Variants in R3HDML observed in about 807,000 individuals in gnomAD.
R3HDML encodes peptidase inhibitor R3HDML.
Under a neutral mutation model 24.2 loss-of-function variants are expected in R3HDML, and 21 were observed. The ratio of observed to expected loss-of-function variants is 0.87; its 90% confidence interval spans 0.62 to 1.25. The LOEUF (loss-of-function observed/expected upper bound fraction) is 1.25. Ranked by LOEUF, R3HDML falls within the 50% of genes most tolerant of loss-of-function variation. The pLI, the probability that R3HDML is intolerant of heterozygous loss-of-function variation, is 0.00. For synonymous variants in R3HDML, 133 were observed against 131.5 expected (o/e 1.01, Z -0.08); for missense variants, 301 against 340.3 (o/e 0.88, Z 0.91).
intron 4 of R3HDML, among the ~76,000 whole-genome samples, chr20:44,346,851 A>T (rs906122441): frequency 6.6e-6 from 1 of 152,182 alleles, no homozygotes; most frequent in African/African-American, 2.4e-5. Context: ...TCATAGAAAA[A>T]CAAGAACAGG....
Position 44,350,720 on chromosome 20 carries a change from C to G in R3HDML, c.690C>G (p.Pro230=), listed in dbSNP as rs759851756. The part of the protein sequence containing the change: ...KMGKPCSSCP[P]SYQGSCNSNM... The stretch of plus-strand genomic sequence containing the variant: ...GAAAGCCGTGCTCCTCCTGTCCCCC[C>G]AGTTATCAAGGCAGCTGCAATAGCA... Residue 230 remains proline (P), a synonymous_variant, in exon 5 of 5, where the codon CCC becomes CCG. Coordinates refer to ENST00000217043, the MANE Select transcript of R3HDML (RefSeq NM_178491.4). 3.7e-6 allele frequency: 6 copies of G among 1,614,048 alleles called. No homozygotes were observed. Among genetic ancestry groups the G allele is most frequent in the East Asian group, 2.2e-5 (1 of 44,866 alleles).
rs79778316 is a variant in R3HDML at position 44,343,339 on chromosome 20, C to T, written c.381-38C>T. 5,703 of 1,604,162 alleles carry T rather than the reference C, an allele frequency of 3.6e-3. 178 individuals are homozygous for T. In the African/African-American group the frequency reaches 0.068, roughly 19 times the overall value. On this transcript the variant is annotated intron_variant, in intron 2 of 4. Transcript: ENST00000217043. ...TTGGCGGCCGAGCCACTTTTCCATC[C>T]TCTCACCCAGCTTCTTCCGTGTCCC...
chr20:44,341,965 C>T (rs757500809), intron 2 of R3HDML, among the ~76,000 whole-genome samples: 1 of 152,162 alleles, frequency 6.6e-6, no homozygotes, highest in Non-Finnish European at 1.5e-5. Context: ...GGCAAACCCA[C>T]CCTTCTGGCC....
In R3HDML at chr20:44,350,866, G is replaced by A. The variant is rs1332242553; in HGVS notation, c.*74G>A. On this transcript the variant is annotated 3_prime_UTR_variant, in exon 5 of 5. Coordinates refer to ENST00000217043, the MANE Select transcript of R3HDML (RefSeq NM_178491.4). ...TCCTGCCCTCAAAAAACTGGGTGGA[G>A]AAATAATTGTTTCTTTAAAGGATAT... 2.6e-6 allele frequency: 4 copies of A among 1,539,858 alleles called. No homozygotes were observed. The highest frequency in any genetic ancestry group is 3.5e-6 in the Non-Finnish European group (4 of 1,129,056).
intron 2 of R3HDML, 49 bp downstream of exon 2, chr20:44,341,363 A>G: frequency 1.4e-6 from 2 of 1,400,738 alleles, no homozygotes; most frequent in Non-Finnish European, 2.0e-6. Flanking sequence ...ACAAATACTC[A>G]TTGAACACTT....
chr20:44,345,136 C>G (rs1385803306), intron 3 of R3HDML, 127 bp from the exon 4 acceptor site: 1 of 752,880 alleles, frequency 1.3e-6, no homozygotes, highest in African/African-American at 1.7e-5. Context: ...GTTTCCTCCC[C>G]CAACACCTTG....
intron 1 of R3HDML, among the ~76,000 whole-genome samples, chr20:44,339,750 T>C (rs1402993748): frequency 1.3e-5 from 2 of 151,702 alleles, no homozygotes; most frequent in Non-Finnish European, 2.9e-5. Context: ...AGGAGAGAGA[T>C]GAGACTTTCT....
intron 4 of R3HDML, among the ~76,000 whole-genome samples, chr20:44,348,122 A>G (rs568969429): frequency 1.3e-5 from 2 of 152,056 alleles, no homozygotes; most frequent in Non-Finnish European, 2.9e-5. Context: ...TGTTATCAGT[A>G]TAGTTGTTAA....
chr20:44,338,640 A>G (rs745794920), intron 1 of R3HDML, among the ~76,000 whole-genome samples: 3 of 152,214 alleles, frequency 2.0e-5, no homozygotes, highest in African/African-American at 4.8e-5. Flanking sequence ...TGCAGGCGGC[A>G]TGGAGCAGAG....
In R3HDML at chr20:44,337,445, C is replaced by G. The variant is rs1475159611; in HGVS notation, c.261+27C>G. The G allele has an allele frequency of 6.3e-7, 1 of 1,598,168 alleles. No homozygotes were observed. The highest frequency in any genetic ancestry group is 1.1e-5 in the South Asian group (1 of 89,922). On this transcript the variant is annotated intron_variant, in intron 1 of 4. Transcript: ENST00000217043. This position sits in a 1 kb window ranked among gnomAD's most constrained non-coding sequence, Gnocchi z 4.7. ...TGAGTCCCCGTACCTGCCCCCCACC[C>G]CCCGCAGTGTCCCTTCCGGCAAACG... is the stretch of plus-strand genomic sequence containing the variant.
At chr20:44,345,121 C>T (rs1423657268) in intron 3 of R3HDML, 142 bp from the exon 4 acceptor site, 8 of 678,156 alleles carry the variant, frequency 1.2e-5, no homozygotes, top group East Asian at 2.5e-5. Flanking sequence ...AATATAAATG[C>T]CTCCGTTTCC....
At chr20:44,347,214 CT>C (rs1295174722) in intron 4 of R3HDML, among the ~76,000 whole-genome samples, 2 of 139,674 alleles carry the variant, frequency 1.4e-5, no homozygotes, top group African/African-American at 5.0e-5. Flanking sequence ...TTCTTTTTTT[CT>C]TTTTTCTTTT....
At chr20:44,345,413 G>A (rs778856945) in intron 4 of R3HDML, 35 bp downstream of exon 4, 3 of 1,496,056 alleles carry the variant, frequency 2.0e-6, no homozygotes, top group African/African-American at 2.8e-5. Flanking sequence ...AGGGCCCTGG[G>A]GCCGGCGGGT....
chr20:44,350,414 A>G (rs1042945836), intron 4 of R3HDML, among the ~76,000 whole-genome samples: 6 of 151,978 alleles, frequency 3.9e-5, no homozygotes, highest in African/African-American at 1.2e-4. Flanking sequence ...TACTCAGAAG[A>G]CTGAGCTGAG....
chr20:44,337,046 C>G lies in R3HDML; in HGVS notation c.-112C>G. The G allele has an allele frequency of 7.4e-7, 1 of 1,354,652 alleles. No homozygotes were observed. The highest frequency in any genetic ancestry group is 1.0e-6 in the Non-Finnish European group (1 of 1,003,880). 83.9% of individuals were successfully genotyped at this position (1,354,652 alleles called of 1,614,324 possible). On this transcript the variant is annotated 5_prime_UTR_variant, in exon 1 of 5. Coordinates refer to ENST00000217043, the MANE Select transcript of R3HDML (RefSeq NM_178491.4). This position sits in a 1 kb window ranked among gnomAD's most constrained non-coding sequence, Gnocchi z 4.7. ...TGCCAAGTTCCCAGGAGGCAGCATC[C>G]TCTGGGTCGGCACTGTTGGAGAACG...
chr20:44,344,501 G>A (rs1367106614), intron 3 of R3HDML, among the ~76,000 whole-genome samples: 1 of 151,946 alleles, frequency 6.6e-6, no homozygotes, highest in Non-Finnish European at 1.5e-5. Flanking sequence ...ATATTGGCTG[G>A]CCAGGTGCAG....
In R3HDML at chr20:44,337,276, C is replaced by T; in HGVS notation, c.119C>T (p.Ala40Val). The change falls in exon 1 of 5, where the codon GCT (alanine) becomes GTT (valine). Residue 40 changes from alanine (A) to valine (V), a missense_variant. Coordinates refer to ENST00000217043, the MANE Select transcript of R3HDML (RefSeq NM_178491.4). This position sits in a 1 kb window ranked among gnomAD's most constrained non-coding sequence, Gnocchi z 4.7. Reference protein sequence around the residue: ...TPAPAQPESTAMRLLSGLEVP... With the variant: ...TPAPAQPESTVMRLLSGLEVP... ...GCCCCGGCCCAGCCCGAGAGCACGG[C>T]TATGCGGCTCCTGAGTGGCCTGGAG... 6.2e-7 allele frequency: 1 copy of T among 1,614,190 alleles called. No individual in the cohort carries two copies. Among genetic ancestry groups the T allele is most frequent in the African/African-American group, 1.3e-5 (1 of 75,064 alleles).
rs1456653507 is a variant in R3HDML, at chr20:44,350,708, C to T, written c.678C>T (p.Ser226=). 3.7e-6 allele frequency: 6 copies of T among 1,614,066 alleles called. No individual in the cohort carries two copies. Among genetic ancestry groups the T allele is most frequent in the East Asian group, 2.2e-5 (1 of 44,856 alleles). ...CGTACAAGATGGGAAAGCCGTGCTCCTCCTGTCCCCCCAGTTATCAAGGCA... is the reference window on the plus strand; with the variant it reads ...CGTACAAGATGGGAAAGCCGTGCTCTTCCTGTCCCCCCAGTTATCAAGGCA... ...ESPYKMGKPC[S]SCPPSYQGSC... The change falls in exon 5 of 5, where the codon TCC becomes TCT. Residue 226 remains serine, a synonymous_variant. Transcript: ENST00000217043.
intron 2 of R3HDML, 82 bp downstream of exon 2, chr20:44,341,396 T>A: frequency 8.8e-7 from 1 of 1,141,488 alleles, no homozygotes; most frequent in Non-Finnish European, 1.3e-6. Context: ...GTGCTGCACT[T>A]GACACTGGGA....
Sources: gnomAD v4.1 joint callset for allele counts (sites outside exome capture counted in the v4.1 genomes callset) on GRCh38, gnomAD v4.1.1 for gene constraint, Gnocchi (gnomAD v3.1) non-coding constraint, MANE v1.5 for transcripts, NCBI Gene and HGNC (gene_info 2026-07-23, HGNC 2026-07-21) for gene names.